NALF1: variants seen among roughly 807,000 people sequenced by gnomAD.
The protein encoded by NALF1 is NALCN channel auxiliary factor 1.
Under a neutral mutation model 48.4 loss-of-function variants are expected in NALF1, and 3 were observed. That is an observed-to-expected ratio of 0.06 (90% CI 0.03 to 0.16). The LOEUF (loss-of-function observed/expected upper bound fraction) is 0.16, where lower values mean the gene tolerates loss of function less well. Among genes scored for constraint, NALF1 ranks in the 10% least tolerant of loss-of-function variants. The pLI is 1.00. For missense variants in NALF1, 526 were observed against 571.5 expected (o/e 0.92, Z 0.81); for synonymous variants, 262 against 245.7 (o/e 1.07, Z -0.62).
intron 1 of NALF1, among the ~76,000 whole-genome samples, chr13:107,854,100 A>C (rs1880382443): frequency 6.6e-6 from 1 of 152,246 alleles, no homozygotes. Flanking sequence ...TCTCCTCTTT[A>C]CTAGAATTTG....
chr13:107,348,728 T>C (rs972109200), intron 1 of NALF1, among the ~76,000 whole-genome samples: 1 of 152,222 alleles, frequency 6.6e-6, no homozygotes, highest in Non-Finnish European at 1.5e-5. Context: ...TAGTGACAAG[T>C]CATATATTTT....
intron 1 of NALF1, among the ~76,000 whole-genome samples, chr13:107,566,055 A>G (rs920321650): frequency 7.2e-5 from 11 of 152,170 alleles, no homozygotes; most frequent in Admixed American, 2.0e-4. Context: ...TATTGCTCAA[A>G]CATCATAAGT....
intron 1 of NALF1, among the ~76,000 whole-genome samples, chr13:107,495,429 C>T (rs1288466112): frequency 6.6e-6 from 1 of 152,078 alleles, no homozygotes; most frequent in Non-Finnish European, 1.5e-5. Context: ...ATATCTTGTC[C>T]AATGCCAAAT....
intron 1 of NALF1, among the ~76,000 whole-genome samples, chr13:107,762,338 G>A (rs1026365369): frequency 1.3e-5 from 2 of 151,950 alleles, no homozygotes; most frequent in Admixed American, 6.6e-5. Context: ...CTCTAGGAAC[G>A]CCTTTTAAGT....
intron 1 of NALF1, among the ~76,000 whole-genome samples, chr13:107,502,180 A>C (rs1211388242): frequency 1.3e-5 from 2 of 152,172 alleles, no homozygotes; most frequent in East Asian, 3.8e-4. Context: ...AAATATGAGA[A>C]AAAACACTTT....
intron 1 of NALF1, among the ~76,000 whole-genome samples, chr13:107,616,812 A>G (rs994725438): frequency 6.6e-6 from 1 of 152,140 alleles, no homozygotes; most frequent in African/African-American, 2.4e-5. Flanking sequence ...GCCAGCAACA[A>G]CCAACTCCAA....
At chr13:107,177,887 TA>T (rs1878970770) in intron 2 of NALF1, among the ~76,000 whole-genome samples, 1 of 152,076 alleles carries the variant, frequency 6.6e-6, no homozygotes. Context: ...TCATCTCTAC[TA>T]AAAATGCAAA....
At chr13:107,520,652 A>G (rs1055847222) in intron 1 of NALF1, among the ~76,000 whole-genome samples, 1 of 152,076 alleles carries the variant, frequency 6.6e-6, no homozygotes, top group Non-Finnish European at 1.5e-5. Flanking sequence ...AATTTATCCA[A>G]CCCTTATGAT....
intron 1 of NALF1, among the ~76,000 whole-genome samples, chr13:107,795,717 G>A (rs369051306): frequency 2.6e-4 from 40 of 152,148 alleles, no homozygotes; most frequent in African/African-American, 9.6e-4. Flanking sequence ...TTTACAATTT[G>A]CAAGCAAAGT....
At chr13:107,292,653 C>T (rs1881645362) in intron 1 of NALF1, among the ~76,000 whole-genome samples, 1 of 152,178 alleles carries the variant, frequency 6.6e-6, no homozygotes, top group Non-Finnish European at 1.5e-5. Flanking sequence ...CTGTCCTCTC[C>T]TGTAACAATG....
At chr13:107,504,025 G>A (rs1034490649) in intron 1 of NALF1, among the ~76,000 whole-genome samples, 4 of 151,542 alleles carry the variant, frequency 2.6e-5, no homozygotes, top group Non-Finnish European at 4.4e-5. Flanking sequence ...AGGCTGAGGC[G>A]GGCGGATCAC....
intron 1 of NALF1, among the ~76,000 whole-genome samples, chr13:107,741,686 G>T (rs1318314506): frequency 1.3e-5 from 2 of 152,298 alleles, no homozygotes; most frequent in Middle Eastern, 6.8e-3. Context: ...ACACAACTCA[G>T]GAGCCAGGTC....
intron 1 of NALF1, among the ~76,000 whole-genome samples, chr13:107,565,186 G>A (rs368705473): frequency 1.8e-3 from 267 of 147,012 alleles, no homozygotes; most frequent in African/African-American, 6.0e-3. Context: ...AAGTTCCTGA[G>A]AGAAAAGACA....
At chr13:107,859,820 C>T (rs539479043) in intron 1 of NALF1, among the ~76,000 whole-genome samples, 1 of 146,654 alleles carries the variant, frequency 6.8e-6, no homozygotes, top group South Asian at 2.2e-4. Flanking sequence ...GAGACTGAGG[C>T]AGGAGAATCG....
chr13:107,630,894 T>G (rs2138448432), intron 1 of NALF1, among the ~76,000 whole-genome samples: 1 of 152,334 alleles, frequency 6.6e-6, no homozygotes, highest in South Asian at 2.1e-4. Flanking sequence ...AACTCAAATC[T>G]TCTAGCCTTT....
At chr13:107,307,336 A>G (rs1380596493) in intron 1 of NALF1, among the ~76,000 whole-genome samples, 2 of 152,222 alleles carry the variant, frequency 1.3e-5, no homozygotes, top group Non-Finnish European at 1.5e-5. Context: ...AGAGGGAAAG[A>G]GGAAAGTTAT....
intron 1 of NALF1, among the ~76,000 whole-genome samples, chr13:107,556,292 TATATACACACAC>T (rs1877475904): frequency 8.1e-6 from 1 of 123,044 alleles, no homozygotes; most frequent in African/African-American, 2.9e-5. Flanking sequence ...TATATATATA[TATATACACACAC>T]ACACACACAC....
At chr13:107,407,302 A>G (rs1448511237) in intron 1 of NALF1, among the ~76,000 whole-genome samples, 1 of 152,094 alleles carries the variant, frequency 6.6e-6, no homozygotes, top group Non-Finnish European at 1.5e-5. Flanking sequence ...CAAAGGAAAT[A>G]ACACAGTGAA....
intron 1 of NALF1, among the ~76,000 whole-genome samples, chr13:107,838,978 C>T (rs537207295): frequency 6.1e-4 from 93 of 152,286 alleles, no homozygotes; most frequent in African/African-American, 2.0e-3. Flanking sequence ...TTCCCCCTCA[C>T]CTGCAGGGGC....
Sources: allele counts gnomAD v4.1 joint callset (sites outside exome capture counted in the v4.1 genomes callset), GRCh38; gene constraint gnomAD v4.1.1; transcripts MANE v1.5; gene names NCBI Gene and HGNC (gene_info 2026-07-23, HGNC 2026-07-21).